The following NME7 variants were observed in gnomAD, a reference collection of about 807,000 sequenced individuals.
NME7 encodes NME/NM23 family member 7.
NME7 carries 41 observed loss-of-function variants against 49.1 expected under a neutral mutation model. That is an observed-to-expected ratio of 0.83 (90% CI 0.65 to 1.08). NME7 has a LOEUF of 1.08. Ranked by LOEUF, NME7 falls within the 50% of genes least tolerant of loss-of-function variation. NME7 has a pLI of 0.00. For synonymous variants in NME7, 139 were observed against 150.6 expected (o/e 0.92, Z 0.56); for missense variants, 423 against 463.4 (o/e 0.91, Z 0.80).
chr1:169,215,226 T>G (rs1660943842), intron 10 of NME7, among the ~76,000 whole-genome samples: 1 of 152,180 alleles, frequency 6.6e-6, no homozygotes, highest in African/African-American at 2.4e-5. Context: ...AGCCATCATC[T>G]CTGAAGTCAA....
At chr1:169,239,002 T>C (rs1238542486) in intron 7 of NME7, among the ~76,000 whole-genome samples, 2 of 152,036 alleles carry the variant, frequency 1.3e-5, no homozygotes, top group African/African-American at 4.8e-5. Flanking sequence ...TTAAGTTGTA[T>C]TACTAAAAAT....
Position 169,275,985 on chromosome 1 carries a change from C to A in NME7, c.754+11318G>T, listed in dbSNP as rs1467682101. ...TTGGTTCTGTTTATATGCTGGATTA[C>A]ATTTATTGATTTGCGTATATTGAAC... On this transcript the variant is annotated intron_variant, in intron 7 of 11. Coordinates refer to ENST00000367811, the MANE Select transcript of NME7 (RefSeq NM_013330.5). Among the ~76,000 whole-genome samples, 3 of 133,818 alleles carry A rather than the reference C, an allele frequency of 2.2e-5. 1 individual carries two copies. Among genetic ancestry groups the A allele is most frequent in the Non-Finnish European group, 5.3e-5 (3 of 56,916 alleles). The allele number at this position is 133,818 out of a possible 152,430, so 87.8% of individuals were successfully genotyped here.
chr1:169,202,741 A>T (rs1235743013), intron 10 of NME7, among the ~76,000 whole-genome samples: 1 of 152,210 alleles, frequency 6.6e-6, no homozygotes, highest in African/African-American at 2.4e-5. Context: ...CCATACCAAC[A>T]GGCTAGGAAG....
intron 11 of NME7, among the ~76,000 whole-genome samples, chr1:169,167,121 G>A (rs1472152247): frequency 1.3e-5 from 2 of 152,120 alleles, no homozygotes; most frequent in Admixed American, 6.6e-5. Flanking sequence ...AAACAGGCAA[G>A]GATGTATATA....
chr1:169,169,758 G>A (rs1293275481), intron 10 of NME7, among the ~76,000 whole-genome samples: 1 of 152,138 alleles, frequency 6.6e-6, no homozygotes, highest in Non-Finnish European at 1.5e-5. Context: ...TTTATCAATA[G>A]ATTATGGGAA....
At chr1:169,276,798 C>G (rs894070579) in intron 7 of NME7, among the ~76,000 whole-genome samples, 4 of 135,826 alleles carry the variant, frequency 2.9e-5, no homozygotes, top group East Asian at 2.1e-4. Context: ...AATTTTGGAT[C>G]TTTCCTGCTT....
intron 6 of NME7, among the ~76,000 whole-genome samples, chr1:169,290,720 T>C (rs1301151070): frequency 6.6e-6 from 1 of 152,026 alleles, no homozygotes; most frequent in Non-Finnish European, 1.5e-5. Context: ...ATCATCAGAG[T>C]GAACAGGCAA....
chr1:169,192,751 T>C (rs1455939424), intron 10 of NME7, among the ~76,000 whole-genome samples: 1 of 152,182 alleles, frequency 6.6e-6, no homozygotes, highest in African/African-American at 2.4e-5. Flanking sequence ...TTATGGTAAC[T>C]TGAAAACAGT....
intron 7 of NME7, chr1:169,286,104 TG>T (rs1650266381): frequency 6.6e-6 from 1 of 152,048 alleles, no homozygotes; most frequent in Non-Finnish European, 1.5e-5. Flanking sequence ...CAGCCAGAAA[TG>T]CTCACAAAAA....
At position 169,268,602 on chromosome 1, in the gene NME7, G is replaced by A. The variant is rs1430856210; in HGVS notation, c.754+18701C>T. The stretch of plus-strand genomic sequence containing the variant: ...CATATACACCATGGAATACTCTGCA[G>A]CCATTAACAAAAAAAATGAGATCAT... On this transcript the variant is annotated intron_variant, in intron 7 of 11. Coordinates refer to ENST00000367811, the MANE Select transcript of NME7 (RefSeq NM_013330.5). Among the ~76,000 whole-genome samples, 2 of 133,658 alleles carry A rather than the reference G, an allele frequency of 1.5e-5. 1 individual carries two copies. Among genetic ancestry groups the A allele is most frequent in the Admixed American group, 1.5e-4 (2 of 13,606 alleles). 87.7% of individuals were successfully genotyped at this position (133,658 alleles called of 152,430 possible).
intron 1 of NME7, among the ~76,000 whole-genome samples, chr1:169,365,687 G>A (rs140424536): frequency 1.1e-3 from 175 of 152,320 alleles, no homozygotes; most frequent in African/African-American, 3.9e-3. Context: ...TTTTAAGGAG[G>A]TGAGTAAATC....
At chr1:169,229,150 A>C (rs1275741865) in intron 10 of NME7, among the ~76,000 whole-genome samples, 1 of 152,260 alleles carries the variant, frequency 6.6e-6, no homozygotes, top group African/African-American at 2.4e-5. Flanking sequence ...AAATAGAATT[A>C]CAATTTTTAT....
In NME7 at chr1:169,332,177, G is replaced by A. The variant is rs189830078; in HGVS notation, c.4-7677C>T. 8.6e-5 allele frequency among the ~76,000 whole-genome samples: 13 copies of A among 151,878 alleles called. No individual in the cohort carries two copies. The East Asian group carries it at 1.2e-3, about 14-fold the overall frequency. The stretch of plus-strand genomic sequence containing the variant: ...CAGAAAAAATCCACACACCTACAGC[G>A]AACCCATTTTCAACAAAAGTGCAAA... On this transcript the variant is annotated intron_variant, in intron 1 of 11. Transcript: ENST00000367811.
chr1:169,363,036 C>T (rs192522380), intron 1 of NME7, among the ~76,000 whole-genome samples: 33 of 151,680 alleles, frequency 2.2e-4, no homozygotes, highest in African/African-American at 7.5e-4. Flanking sequence ...GCCCAGGGGT[C>T]CAAGACCAGG....
intron 11 of NME7, among the ~76,000 whole-genome samples, chr1:169,134,486 A>G (rs1658361919): frequency 1.3e-5 from 2 of 152,170 alleles, no homozygotes; most frequent in African/African-American, 4.8e-5. Flanking sequence ...TAGGCTGACT[A>G]CTTGGAATGA....
At chr1:169,269,070 C>T in intron 7 of NME7, among the ~76,000 whole-genome samples, 1 of 132,912 alleles carries the variant, frequency 7.5e-6, no homozygotes, top group East Asian at 2.0e-4. Context: ...ACATACTTAC[C>T]TCTTCAGGGC....
chr1:169,263,078 T>TA lies in NME7; in HGVS notation c.754+24224dup, dbSNP rs1409099503. ...CAATCAAACCCCCAAGGGCATCAAATAAAAAAAAAGCAAAACAATCCATCC... is the reference window on the plus strand; with the variant it reads ...CAATCAAACCCCCAAGGGCATCAAATAAAAAAAAAAGCAAAACAATCCATCC... On this transcript the variant is annotated intron_variant, in intron 7 of 11. Coordinates refer to ENST00000367811, the MANE Select transcript of NME7 (RefSeq NM_013330.5). 8.6e-5 allele frequency among the ~76,000 whole-genome samples: 11 copies of TA among 128,544 alleles called. 1 individual carries two copies. In the South Asian group the frequency reaches 1.4e-3, roughly 17 times the overall value. 84.3% of individuals were successfully genotyped at this position (128,544 alleles called of 152,430 possible). A position where few individuals can be genotyped will look rare whatever the true frequency, so the allele number is the denominator to read the frequency against.
intron 7 of NME7, among the ~76,000 whole-genome samples, chr1:169,241,267 T>C (rs898403600): frequency 4.6e-5 from 7 of 152,094 alleles, no homozygotes; most frequent in Non-Finnish European, 8.8e-5. Flanking sequence ...AGATGCATGA[T>C]GGTTAAAAAT....
At chr1:169,162,108 C>T (rs1454312768) in intron 11 of NME7, among the ~76,000 whole-genome samples, 7 of 152,128 alleles carry the variant, frequency 4.6e-5, no homozygotes, top group African/African-American at 1.7e-4. Flanking sequence ...CCCAGTCAGT[C>T]AGCAGTACAC....
Sources: allele counts gnomAD v4.1 joint callset (sites outside exome capture counted in the v4.1 genomes callset), GRCh38; gene constraint gnomAD v4.1.1; transcripts MANE v1.5; gene names NCBI Gene and HGNC (gene_info 2026-07-23, HGNC 2026-07-21).